AOAH: variants seen among roughly 807,000 people sequenced by gnomAD.
AOAH encodes acyloxyacyl hydrolase (neutrophil).
A neutral mutation model predicts 92.2 loss-of-function variants in AOAH; 64 were observed. The ratio of observed to expected loss-of-function variants is 0.69; its 90% CI spans 0.57 to 0.86. AOAH has a LOEUF of 0.86. AOAH is among the 40% of genes least tolerant of loss of function. The pLI, the probability that AOAH is intolerant of heterozygous loss-of-function variation, is 0.00. For synonymous variants in AOAH, 263 were observed against 254.5 expected (o/e 1.03, Z -0.32); for missense variants, 656 against 694.6 (o/e 0.94, Z 0.62).
chr7:36,689,260 C>T (rs1186812117), intron 1 of AOAH, among the ~76,000 whole-genome samples: 1 of 152,158 alleles, frequency 6.6e-6, no homozygotes, highest in African/African-American at 2.4e-5. Flanking sequence ...TCATGATGTG[C>T]TGCTGCTCAC....
At chr7:36,578,889 T>A (rs1225972448) in intron 12 of AOAH, among the ~76,000 whole-genome samples, 3 of 152,184 alleles carry the variant, frequency 2.0e-5, no homozygotes, top group African/African-American at 7.2e-5. Flanking sequence ...GGCTTATGGT[T>A]CTGCAGGGTG....
chr7:36,616,697 C>T (rs1791910539), intron 10 of AOAH, among the ~76,000 whole-genome samples: 1 of 152,186 alleles, frequency 6.6e-6, no homozygotes, highest in Non-Finnish European at 1.5e-5. Flanking sequence ...TGTAGAGATG[C>T]AGGTGTGTTT....
At chr7:36,533,863 C>T (rs1346419529) in intron 16 of AOAH, among the ~76,000 whole-genome samples, 1 of 152,144 alleles carries the variant, frequency 6.6e-6, no homozygotes, top group Admixed American at 6.5e-5. Context: ...CTTCCGTCTC[C>T]CCACCTTCTG....
At chr7:36,554,114 T>C (rs1786501136) in intron 13 of AOAH, among the ~76,000 whole-genome samples, 1 of 152,274 alleles carries the variant, frequency 6.6e-6, no homozygotes, top group African/African-American at 2.4e-5. Context: ...TTTATGGTTT[T>C]AGGTCTAATG....
Position 36,558,012 on chromosome 7 carries a change from G to A in AOAH, c.1022-8537C>T, listed in dbSNP as rs2116434405. Among the ~76,000 whole-genome samples, 5 of 152,342 alleles carry A rather than the reference G, an allele frequency of 3.3e-5. No individual in the cohort carries two copies. In the South Asian group the frequency reaches 1.0e-3, roughly 32 times the overall value. On this transcript the variant is annotated intron_variant, in intron 13 of 20. Coordinates refer to ENST00000617537, the MANE Select transcript of AOAH (RefSeq NM_001637.4). ...TCAAAGTCATTCTCCGTCCAGCTTTGTTCCATTGCTGGTGAGGAGCTGTGT... is the reference window on the plus strand; with the variant it reads ...TCAAAGTCATTCTCCGTCCAGCTTTATTCCATTGCTGGTGAGGAGCTGTGT...
intron 2 of AOAH, among the ~76,000 whole-genome samples, chr7:36,678,704 T>C (rs1796460036): frequency 6.6e-6 from 1 of 152,092 alleles, no homozygotes; most frequent in Non-Finnish European, 1.5e-5. Context: ...CCGGTAGTCT[T>C]CTGTGATTGT....
intron 20 of AOAH, among the ~76,000 whole-genome samples, chr7:36,518,598 T>C (rs1353125734): frequency 6.6e-6 from 1 of 152,260 alleles, no homozygotes; most frequent in East Asian, 1.9e-4. Context: ...GAATAAAATC[T>C]ATTCTAGATG....
intron 1 of AOAH, among the ~76,000 whole-genome samples, chr7:36,692,731 CA>C (rs1186733260): frequency 6.6e-5 from 10 of 152,190 alleles, no homozygotes; most frequent in African/African-American, 2.2e-4. Context: ...GTGTACTTTT[CA>C]GCACGTACTA....
intron 4 of AOAH, among the ~76,000 whole-genome samples, chr7:36,643,844 G>T (rs147186931): frequency 8.5e-5 from 13 of 152,058 alleles, no homozygotes; most frequent in Non-Finnish European, 1.9e-4. Context: ...TCTTCCTCCT[G>T]CTCTTGCCAT....
chr7:36,715,823 T>G (rs1584186165), intron 1 of AOAH, among the ~76,000 whole-genome samples: 1 of 151,696 alleles, frequency 6.6e-6, no homozygotes, highest in African/African-American at 2.4e-5. Flanking sequence ...CAAAAATTAA[T>G]TCAAGATGGA....
intron 1 of AOAH, among the ~76,000 whole-genome samples, chr7:36,704,711 T>C (rs905063671): frequency 2.6e-5 from 4 of 152,112 alleles, no homozygotes; most frequent in African/African-American, 9.7e-5. Context: ...TTCAGGCCAA[T>C]ATCCTTGATG....
chr7:36,690,262 A>G (rs899346032), intron 1 of AOAH: 13 of 431,140 alleles, frequency 3.0e-5, no homozygotes, highest in South Asian at 1.2e-4. Flanking sequence ...TCTTACCGCT[A>G]TCGTCACTTT....
intron 16 of AOAH, among the ~76,000 whole-genome samples, chr7:36,538,942 G>T (rs1312341883): frequency 1.3e-5 from 2 of 152,196 alleles, no homozygotes; most frequent in African/African-American, 4.8e-5. Context: ...GTCCACCATT[G>T]TCCCTCCAAC....
At chr7:36,586,265 T>C (rs1010585832) in intron 12 of AOAH, among the ~76,000 whole-genome samples, 3 of 152,182 alleles carry the variant, frequency 2.0e-5, no homozygotes, top group Non-Finnish European at 4.4e-5. Context: ...AAGTTGTACA[T>C]GCTCACCCAA....
intron 12 of AOAH, among the ~76,000 whole-genome samples, chr7:36,583,856 T>C (rs1789115280): frequency 6.6e-6 from 1 of 152,172 alleles, no homozygotes; most frequent in Admixed American, 6.5e-5. Context: ...CCAGATTTGA[T>C]TCTAGGCCAC....
chr7:36,546,213 A>G (rs1241763314), intron 15 of AOAH, among the ~76,000 whole-genome samples: 1 of 152,256 alleles, frequency 6.6e-6, no homozygotes. Flanking sequence ...TTACTTCAGT[A>G]AGAGCTAGCA....
chr7:36,549,441 T>A lies in AOAH; in HGVS notation c.1056A>T (p.Glu352Asp). The A allele has an allele frequency of 6.3e-7, 1 of 1,595,230 alleles. No individual in the cohort carries two copies. The change falls in exon 14 of 21, where the codon GAA becomes GAT. Residue 352 changes from glutamate (E) to aspartate (D), a missense_variant and splice_region_variant. Transcript: ENST00000617537. ...ACAACTTCTTATCTTCTGCTTACCTTTCTATAAATTTCTTCAGGTTTCGGG... is the reference window on the plus strand; with the variant it reads ...ACAACTTCTTATCTTCTGCTTACCTATCTATAAATTTCTTCAGGTTTCGGG... Reference protein sequence around the residue: ...ASSRNLKKFIESLSRNKVLDY... With the variant: ...ASSRNLKKFIDSLSRNKVLDY...
At position 36,543,943 on chromosome 7, in the gene AOAH, C is replaced by CTT. The variant is rs1407764591; in HGVS notation, c.1134-3454_1134-3453dup. Among the ~76,000 whole-genome samples the CTT allele has an allele frequency of 4.1e-3, 339 of 82,678 alleles. 7 individuals are homozygous for CTT. Among genetic ancestry groups the CTT allele is most frequent in the Non-Finnish European group, 5.0e-3 (199 of 39,872 alleles). The allele number at this position is 82,678 out of a possible 152,430, so 54.2% of individuals were successfully genotyped here. A position where few individuals can be genotyped will look rare whatever the true frequency, so the allele number is the denominator to read the frequency against. ...TTTTCTTTTTCTTTTTTCTTTCTTT[C>CTT]TTTCTTTTTTTTTTTTTTTTTTGAG... is the stretch of plus-strand genomic sequence containing the variant. On this transcript the variant is annotated intron_variant, in intron 15 of 20. Transcript: ENST00000617537.
intron 13 of AOAH, among the ~76,000 whole-genome samples, chr7:36,573,103 T>G (rs1788246045): frequency 6.6e-6 from 1 of 152,236 alleles, no homozygotes; most frequent in South Asian, 2.1e-4. Context: ...ACCAGTCTAC[T>G]TTATACCCCA....
Sources: gnomAD v4.1 joint callset for allele counts (sites outside exome capture counted in the v4.1 genomes callset) on GRCh38, gnomAD v4.1.1 for gene constraint, MANE v1.5 for transcripts, NCBI Gene and HGNC (gene_info 2026-07-23, HGNC 2026-07-21) for gene names.